ZNF678: variants seen among roughly 807,000 people sequenced by gnomAD.
ZNF678 encodes hypothetical protein MGC42493.
ZNF678 carries 5 observed loss-of-function variants against 3.0 expected under a neutral mutation model. That is an observed-to-expected ratio of 1.69 (90% CI 0.88 to 3.56). The LOEUF (loss-of-function observed/expected upper bound fraction) is 3.56, where lower values mean the gene tolerates loss of function less well. Among genes scored for constraint, ZNF678 ranks in the 30% most tolerant of loss-of-function variants. ZNF678 has a pLI of 0.00. For missense variants in ZNF678, 593 were observed against 605.0 expected (o/e 0.98, Z 0.21); for synonymous variants, 218 against 199.6 (o/e 1.09, Z -0.78).
chr1:227,589,095 G>GC (rs1466151844), intron 1 of ZNF678, among the ~76,000 whole-genome samples: 3 of 147,498 alleles, frequency 2.0e-5, no homozygotes, highest in Non-Finnish European at 4.5e-5. Flanking sequence ...TAGGTTGTCT[G>GC]TTCACTCTGA....
At position 227,620,332 on chromosome 1, in the gene ZNF678, G is replaced by A. The variant is rs1047801795; in HGVS notation, c.-163-26212G>A. Among the ~76,000 whole-genome samples, 6 of 151,832 alleles carry A rather than the reference G, an allele frequency of 4.0e-5. 1 individual carries two copies. Among genetic ancestry groups the A allele is most frequent in the African/African-American group, 1.2e-4 (5 of 41,278 alleles). ...TTTTTTGAGTTTTCAGTAAGTTAAC[G>A]TTACCATTAATATTCCACTTACATT... On this transcript the variant is annotated intron_variant, in intron 1 of 3. Transcript: ENST00000343776.
downstream of ZNF678, among the ~76,000 whole-genome samples, chr1:227,665,066 G>C (rs1659479578): frequency 6.6e-6 from 1 of 152,180 alleles, no homozygotes; most frequent in Non-Finnish European, 1.5e-5. Context: ...GATTATACCA[G>C]CATCTTCCTA....
chr1:227,576,842 TC>T (rs1195134865), intron 1 of ZNF678, among the ~76,000 whole-genome samples: 1 of 96,652 alleles, frequency 1.0e-5, no homozygotes, highest in African/African-American at 5.1e-5. Context: ...TAATTTGAGA[TC>T]TTTCTAACTT....
intron 5 of ZNF678, among the ~76,000 whole-genome samples, chr1:227,676,940 G>T (rs945202612): frequency 3.3e-5 from 5 of 152,082 alleles, no homozygotes; most frequent in African/African-American, 4.8e-5. Flanking sequence ...ATTTGGGTTG[G>T]TTCCAAGTCT....
chr1:227,623,043 C>G (rs1484763215), intron 1 of ZNF678, among the ~76,000 whole-genome samples: 5 of 152,236 alleles, frequency 3.3e-5, no homozygotes, highest in Admixed American at 2.6e-4. Context: ...ACCAGCCCCT[C>G]TATGTACTAC....
rs1053930431 is a variant in ZNF678 at position 227,563,796 on chromosome 1, C to G, written c.-164+72C>G. 53 of 1,276,600 alleles carry G rather than the reference C, an allele frequency of 4.2e-5. No homozygotes were observed. In the South Asian group the frequency reaches 4.4e-4, roughly 10 times the overall value. 79.1% of individuals were successfully genotyped at this position (1,276,600 alleles called of 1,614,324 possible). A position where few individuals can be genotyped will look rare whatever the true frequency, so the allele number is the denominator to read the frequency against. ...GGCGTCAGCACTAGAGTCCGCGGCC[C>G]GGAGTCCCGGCTGGCACCTGTGGGA... On this transcript the variant is annotated intron_variant, in intron 1 of 3. Coordinates refer to ENST00000343776, the MANE Select transcript of ZNF678 (RefSeq NM_001367909.1).
At chr1:227,583,136 G>A (rs563546354) in intron 1 of ZNF678, among the ~76,000 whole-genome samples, 52 of 151,772 alleles carry the variant, frequency 3.4e-4, no homozygotes, top group African/African-American at 1.0e-3. Context: ...TAATAGATCC[G>A]TTGGGTCTAT....
chr1:227,601,366 C>A (rs1220623012), intron 1 of ZNF678, among the ~76,000 whole-genome samples: 2 of 151,820 alleles, frequency 1.3e-5, no homozygotes, highest in Non-Finnish European at 2.9e-5. Context: ...AATGCATGAC[C>A]TTGGAATTTT....
chr1:227,612,788 A>G (rs1481837767), intron 1 of ZNF678, among the ~76,000 whole-genome samples: 1 of 152,148 alleles, frequency 6.6e-6, no homozygotes, highest in Non-Finnish European at 1.5e-5. Flanking sequence ...CAGAAAGTTC[A>G]TTTTATTGCC....
At chr1:227,567,203 T>C (rs926171805) in intron 1 of ZNF678, among the ~76,000 whole-genome samples, 2 of 152,238 alleles carry the variant, frequency 1.3e-5, no homozygotes, top group African/African-American at 4.8e-5. Flanking sequence ...GACGTTTTTG[T>C]TATCTGAAAG....
At chr1:227,639,190 C>T (rs1438152194) in intron 1 of ZNF678, among the ~76,000 whole-genome samples, 1 of 152,186 alleles carries the variant, frequency 6.6e-6, no homozygotes, top group Non-Finnish European at 1.5e-5. Context: ...TGGGTTTGGG[C>T]ATTGTCTGGG....
At chr1:227,619,934 A>AT (rs202055165) in intron 1 of ZNF678, among the ~76,000 whole-genome samples, 1,643 of 152,268 alleles carry the variant, frequency 0.011, 33 homozygotes, top group African/African-American at 0.038. Flanking sequence ...TGGAGAATTG[A>AT]TTTTTTTCAG....
chr1:227,587,875 G>A (rs1045360692), intron 1 of ZNF678, among the ~76,000 whole-genome samples: 1 of 147,166 alleles, frequency 6.8e-6, no homozygotes, highest in African/African-American at 2.5e-5. Context: ...TGCAGGATGT[G>A]TAGGTTTGTT....
chr1:227,568,256 C>CA (rs1479656228), intron 1 of ZNF678, among the ~76,000 whole-genome samples: 8 of 151,420 alleles, frequency 5.3e-5, no homozygotes, highest in Non-Finnish European at 1.2e-4. Context: ...TTTTCACACA[C>CA]AAAAAAATTT....
chr1:227,595,504 C>T (rs893946592), intron 1 of ZNF678, among the ~76,000 whole-genome samples: 2 of 152,150 alleles, frequency 1.3e-5, no homozygotes, highest in African/African-American at 4.8e-5. Flanking sequence ...TTTACATTTT[C>T]CTGGTGTCAT....
At chr1:227,642,970 C>T (rs1490018544) in intron 1 of ZNF678, among the ~76,000 whole-genome samples, 1 of 150,918 alleles carries the variant, frequency 6.6e-6, no homozygotes, top group African/African-American at 2.4e-5. Flanking sequence ...GTCATGGCTC[C>T]ATCATCCGGG....
chr1:227,652,760 A>T (rs901326980), intron 3 of ZNF678, among the ~76,000 whole-genome samples: 1 of 152,102 alleles, frequency 6.6e-6, no homozygotes, highest in African/African-American at 2.4e-5. Flanking sequence ...TCTTATGCAT[A>T]TTTCAAATTG....
At chr1:227,626,299 A>G (rs1334607814) in intron 1 of ZNF678, among the ~76,000 whole-genome samples, 4 of 152,202 alleles carry the variant, frequency 2.6e-5, no homozygotes, top group African/African-American at 9.7e-5. Flanking sequence ...CTTTGGCAGT[A>G]TCTAGGGTTT....
intron 5 of ZNF678, among the ~76,000 whole-genome samples, chr1:227,669,207 A>T (rs1464318344): frequency 6.6e-6 from 1 of 152,214 alleles, no homozygotes; most frequent in South Asian, 2.1e-4. Flanking sequence ...AAGAAACTTA[A>T]GTCAACAAGT....
Sources: gnomAD v4.1 joint callset for allele counts (sites outside exome capture counted in the v4.1 genomes callset) on GRCh38, gnomAD v4.1.1 for gene constraint, MANE v1.5 for transcripts, NCBI Gene and HGNC (gene_info 2026-07-23, HGNC 2026-07-21) for gene names.